POU6F2: variants seen among roughly 807,000 people sequenced by gnomAD.
POU6F2 encodes the protein POU class 6 homeobox 2, also known as POU domain, class 6, transcription factor 2.
POU6F2 carries 31 observed loss-of-function variants against 71.3 expected under a neutral mutation model. The ratio of observed to expected loss-of-function variants is 0.43; its 90% CI spans 0.33 to 0.59. The LOEUF (loss-of-function observed/expected upper bound fraction) is 0.59. POU6F2 is among the 20% of genes least tolerant of loss of function. The pLI is 0.04. For missense variants in POU6F2, 783 were observed against 856.8 expected (o/e 0.91, Z 1.07); for synonymous variants, 347 against 355.7 (o/e 0.98, Z 0.27).
intron 4 of POU6F2, among the ~76,000 whole-genome samples, chr7:39,321,627 G>C (rs1463020536): frequency 1.3e-5 from 2 of 152,170 alleles, no homozygotes; most frequent in African/African-American, 4.8e-5. Flanking sequence ...TTGAGCATTT[G>C]CATGTCTGTT....
Position 39,464,192 on chromosome 7 carries a change from C to T in POU6F2, c.1669C>T (p.Leu557=). ...AATTTTCCCCCCCAGACACACCATC[C>T]TGAGAAGCCACTTTTTCCTACCACA... ...SQSAICRHTI[L]RSHFFLPQEA... is the part of the protein sequence containing the mutation. Residue 557 remains leucine (L), a synonymous_variant, in exon 10 of 10, where the codon CTG becomes TTG. Transcript: ENST00000518318. The surrounding 1 kb of genome is among the most constrained non-coding windows in gnomAD (Gnocchi z 4.1). 1 of 1,613,644 alleles carries T rather than the reference C, an allele frequency of 6.2e-7. No individual in the cohort carries two copies. Among genetic ancestry groups the T allele is most frequent in the Non-Finnish European group, 8.5e-7 (1 of 1,179,644 alleles).
chr7:39,355,083 A>T (rs1786224846), intron 5 of POU6F2, among the ~76,000 whole-genome samples: 1 of 152,210 alleles, frequency 6.6e-6, no homozygotes, highest in Non-Finnish European at 1.5e-5. Context: ...CCTTGAACCA[A>T]GGAATAGGAA....
intron 2 of POU6F2, among the ~76,000 whole-genome samples, chr7:39,175,363 T>G (rs1423298078): frequency 6.6e-6 from 1 of 152,096 alleles, no homozygotes; most frequent in African/African-American, 2.4e-5. Context: ...GACCATATAT[T>G]TTATTGTCCA....
chr7:39,341,342 A>T (rs1286396617), intron 5 of POU6F2, among the ~76,000 whole-genome samples: 1 of 152,140 alleles, frequency 6.6e-6, no homozygotes, highest in Non-Finnish European at 1.5e-5. Flanking sequence ...GAACATTTTC[A>T]TGAGTGGAGT....
chr7:39,142,477 G>T (rs1792523706), intron 2 of POU6F2, among the ~76,000 whole-genome samples: 1 of 152,148 alleles, frequency 6.6e-6, no homozygotes, highest in Non-Finnish European at 1.5e-5. Flanking sequence ...GGAAGAGAAA[G>T]AATTCACTTT....
chr7:39,148,988 A>G (rs993925623), intron 2 of POU6F2, among the ~76,000 whole-genome samples: 12 of 152,192 alleles, frequency 7.9e-5, no homozygotes, highest in African/African-American at 1.9e-4. Context: ...AACCTTGAGC[A>G]TATTTATTTG....
intron 4 of POU6F2, among the ~76,000 whole-genome samples, chr7:39,261,618 C>G (rs1181751576): frequency 1.3e-5 from 2 of 152,178 alleles, no homozygotes; most frequent in African/African-American, 4.8e-5. Context: ...TGTTCAAGGT[C>G]ACACAGCCTG....
intron 4 of POU6F2, among the ~76,000 whole-genome samples, chr7:39,293,468 C>A (rs1036002794): frequency 6.6e-6 from 1 of 152,118 alleles, no homozygotes; most frequent in African/African-American, 2.4e-5. Context: ...CGTCGTTACT[C>A]CCCTTGAATT....
At chr7:39,268,409 G>A (rs1041346934) in intron 4 of POU6F2, among the ~76,000 whole-genome samples, 3 of 152,162 alleles carry the variant, frequency 2.0e-5, no homozygotes, top group Non-Finnish European at 4.4e-5. Flanking sequence ...ACCAGCAGAA[G>A]GATGGCAGTA....
At chr7:39,016,291 T>G (rs1027237059) in intron 1 of POU6F2, among the ~76,000 whole-genome samples, 1 of 149,746 alleles carries the variant, frequency 6.7e-6, no homozygotes, top group Non-Finnish European at 1.5e-5. Context: ...AACTATTTAT[T>G]GAATTTCCAC....
intron 4 of POU6F2, among the ~76,000 whole-genome samples, chr7:39,242,993 A>G (rs1783754244): frequency 1.3e-5 from 2 of 152,140 alleles, no homozygotes; most frequent in South Asian, 4.1e-4. Context: ...CCACCACACA[A>G]TACTGTCCTC....
chr7:38,991,815 A>G (rs1224977209), intron 1 of POU6F2, among the ~76,000 whole-genome samples: 1 of 151,792 alleles, frequency 6.6e-6, no homozygotes, highest in East Asian at 1.9e-4. Flanking sequence ...AGACTGGTGC[A>G]GAGATGTTTC....
In POU6F2 at chr7:39,256,757, G is replaced by T. The variant is rs560835900; in HGVS notation, c.598+49137G>T. ...CCAGTGTAGAAAGACTGGCCCAGCCGCTGCTGCCTTTGAAGTTGGACGAAT... is the reference window on the plus strand; with the variant it reads ...CCAGTGTAGAAAGACTGGCCCAGCCTCTGCTGCCTTTGAAGTTGGACGAAT... On this transcript the variant is annotated intron_variant, in intron 4 of 9. Transcript: ENST00000518318. Among the ~76,000 whole-genome samples, 92 of 152,278 alleles carry T rather than the reference G, an allele frequency of 6.0e-4. 2 individuals carry two copies. The South Asian group carries it at 0.019, about 32-fold the overall frequency.
chr7:39,014,076 G>A (rs2128704380), intron 1 of POU6F2, among the ~76,000 whole-genome samples: 1 of 152,234 alleles, frequency 6.6e-6, no homozygotes, highest in Admixed American at 6.5e-5. Flanking sequence ...GCCTACTATA[G>A]ATTTTCCAGA....
intron 2 of POU6F2, among the ~76,000 whole-genome samples, chr7:39,164,711 C>T (rs1793075237): frequency 6.6e-6 from 1 of 151,818 alleles, no homozygotes; most frequent in Non-Finnish European, 1.5e-5. Context: ...GCATGCTGGC[C>T]TCACACATGT....
chr7:38,981,465 G>A (rs1005923307), intron 1 of POU6F2, among the ~76,000 whole-genome samples: 5 of 152,150 alleles, frequency 3.3e-5, no homozygotes, highest in African/African-American at 1.2e-4. Flanking sequence ...TTGGCTTCAC[G>A]TCTATAGACT....
chr7:39,015,261 C>T (rs996238930), intron 1 of POU6F2, among the ~76,000 whole-genome samples: 43 of 137,304 alleles, frequency 3.1e-4, no homozygotes, highest in African/African-American at 1.2e-3. Flanking sequence ...TATATTATAT[C>T]TAGAGATATG....
chr7:39,317,053 C>T (rs1238077827), intron 4 of POU6F2, among the ~76,000 whole-genome samples: 27 of 152,200 alleles, frequency 1.8e-4, no homozygotes, highest in Admixed American at 1.8e-3. Flanking sequence ...ATCAGGAGCT[C>T]ACCTTCCTTC....
At chr7:39,397,425 A>G (rs1231573344) in intron 5 of POU6F2, among the ~76,000 whole-genome samples, 1 of 148,384 alleles carries the variant, frequency 6.7e-6, no homozygotes, top group African/African-American at 2.5e-5. Flanking sequence ...ATAGAGACAA[A>G]TGTATATGTA....
Sources: gnomAD v4.1 joint callset for allele counts (sites outside exome capture counted in the v4.1 genomes callset) on GRCh38, gnomAD v4.1.1 for gene constraint, Gnocchi (gnomAD v3.1) non-coding constraint, MANE v1.5 for transcripts, NCBI Gene and HGNC (gene_info 2026-07-23, HGNC 2026-07-21) for gene names.